SAMD3: variants seen among roughly 807,000 people sequenced by gnomAD.
SAMD3 encodes sterile alpha motif domain containing 3, also known as sterile alpha motif domain-containing protein 3.
In SAMD3, 63 loss-of-function variants were observed where a neutral mutation model predicts 58.5. The observed-to-expected ratio is 1.08, with a 90% CI of 0.88 to 1.33. The LOEUF (loss-of-function observed/expected upper bound fraction) is 1.33. Among genes scored for constraint, SAMD3 ranks in the 40% most tolerant of loss-of-function variants. The pLI is 0.00. For missense variants in SAMD3, 604 were observed against 608.4 expected, an observed-to-expected ratio of 0.99 and a Z score of 0.08; for synonymous variants, 220 against 210.3, an observed-to-expected ratio of 1.05 and a Z score of -0.40.
chr6:130,348,314 T>G (rs1777526230), intron 1 of SAMD3, among the ~76,000 whole-genome samples: 1 of 152,184 alleles, frequency 6.6e-6, no homozygotes, highest in Non-Finnish European at 1.5e-5. Flanking sequence ...CCCATCAGTG[T>G]GCTGTATTCA....
At chr6:130,302,227 T>C (rs945987922) in intron 2 of SAMD3, among the ~76,000 whole-genome samples, 1 of 151,918 alleles carries the variant, frequency 6.6e-6, no homozygotes, top group Non-Finnish European at 1.5e-5. Context: ...CCAGAATCTA[T>C]ATGGAACTTA....
rs371975238 is a variant in SAMD3, at chr6:130,257,975, A to G, written c.-187-35162T>C. On this transcript the variant is annotated intron_variant, in intron 2 of 13. Transcript: ENST00000368134. ...GACATCTGTTATTGCTTGTAGCAAC[A>G]TATGTTTCTGTTTGTTCATGTTCAT... Among the ~76,000 whole-genome samples the G allele has an allele frequency of 1.6e-4, 24 of 152,216 alleles. 1 individual carries two copies. The East Asian group carries it at 4.2e-3, about 27-fold the overall frequency.
chr6:130,295,874 A>G (rs901065937), intron 2 of SAMD3, among the ~76,000 whole-genome samples: 3 of 152,210 alleles, frequency 2.0e-5, no homozygotes, highest in Non-Finnish European at 4.4e-5. Flanking sequence ...ACATAATAGT[A>G]AAAATGGCAA....
chr6:130,287,137 C>T, intron 2 of SAMD3, among the ~76,000 whole-genome samples: 1 of 152,132 alleles, frequency 6.6e-6, no homozygotes, highest in East Asian at 1.9e-4. Context: ...TCTAAATGAG[C>T]ATATATGGTA....
intron 11 of SAMD3, 73 bp from the exon 12 acceptor site, chr6:130,144,877 G>A (rs1788475740): frequency 1.5e-6 from 2 of 1,313,220 alleles, no homozygotes; most frequent in African/African-American, 3.0e-5. Flanking sequence ...ACTTAATCAT[G>A]GTATTACAAT....
intron 1 of SAMD3, among the ~76,000 whole-genome samples, chr6:130,360,355 A>T (rs1224709563): frequency 2.6e-5 from 4 of 152,200 alleles, no homozygotes; most frequent in African/African-American, 9.6e-5. Flanking sequence ...AGTGTCGGCC[A>T]GGTTGAGAAA....
intron 5 of SAMD3, among the ~76,000 whole-genome samples, chr6:130,187,600 T>A (rs1343405474): frequency 6.6e-6 from 1 of 152,208 alleles, no homozygotes; most frequent in Non-Finnish European, 1.5e-5. Context: ...TACATTCTAA[T>A]TTGGAAGCAG....
At chr6:130,343,544 G>T (rs1176385003) in intron 1 of SAMD3, among the ~76,000 whole-genome samples, 1 of 152,160 alleles carries the variant, frequency 6.6e-6, no homozygotes, top group Non-Finnish European at 1.5e-5. Context: ...ACTGTGGGGA[G>T]AGCTCAGTCC....
chr6:130,274,369 C>T (rs1774695741), intron 2 of SAMD3, among the ~76,000 whole-genome samples: 1 of 152,146 alleles, frequency 6.6e-6, no homozygotes, highest in African/African-American at 2.4e-5. Context: ...ACAGGGAATG[C>T]AACATTCTCA....
chr6:130,245,035 A>C (rs1562478178), intron 2 of SAMD3, among the ~76,000 whole-genome samples: 2 of 152,352 alleles, frequency 1.3e-5, no homozygotes, highest in South Asian at 2.1e-4. Flanking sequence ...GAATTCTTAT[A>C]CATGGTGAAC....
At chr6:130,177,606 T>C (rs1791847040) in intron 7 of SAMD3, among the ~76,000 whole-genome samples, 1 of 152,210 alleles carries the variant, frequency 6.6e-6, no homozygotes, top group Non-Finnish European at 1.5e-5. Context: ...TGTAACAGCT[T>C]GGTGTTGGAT....
Position 130,291,905 on chromosome 6 carries a change from T to C in SAMD3, c.-188+21073A>G, listed in dbSNP as rs1415352956. The stretch of plus-strand genomic sequence containing the variant: ...TCTGTGGGTTCTTAATGTGCCTTTA[T>C]ATATTATGTCTAAGTGTTCAGATAA... On this transcript the variant is annotated intron_variant, in intron 2 of 13. Coordinates refer to the SAMD3 transcript ENST00000368134. 3.3e-5 allele frequency among the ~76,000 whole-genome samples: 5 copies of C among 152,314 alleles called. No homozygotes were observed. In the East Asian group the frequency reaches 9.6e-4, roughly 29 times the overall value.
chr6:130,164,237 A>G (rs554092674), intron 8 of SAMD3, among the ~76,000 whole-genome samples: 8 of 152,360 alleles, frequency 5.3e-5, no homozygotes, highest in Non-Finnish European at 7.3e-5. Flanking sequence ...TGTCCTTAAC[A>G]TTAAGGTCAC....
chr6:130,149,854 C>T (rs911630174), intron 9 of SAMD3, among the ~76,000 whole-genome samples: 1 of 152,192 alleles, frequency 6.6e-6, no homozygotes, highest in Non-Finnish European at 1.5e-5. Context: ...GACGTATCCC[C>T]TGCTGAACCT....
At chr6:130,286,674 G>T (rs1214746402) in intron 2 of SAMD3, among the ~76,000 whole-genome samples, 2 of 140,412 alleles carry the variant, frequency 1.4e-5, no homozygotes, top group African/African-American at 2.5e-5. Flanking sequence ...CTCCTTCATT[G>T]GCTTCTCCAA....
chr6:130,201,052 C>T (rs904793338), intron 5 of SAMD3, among the ~76,000 whole-genome samples: 1 of 152,150 alleles, frequency 6.6e-6, no homozygotes, highest in Admixed American at 6.5e-5. Flanking sequence ...CAGTAACAGG[C>T]CCACCATGTC....
intron 1 of SAMD3, among the ~76,000 whole-genome samples, chr6:130,337,432 TA>T (rs1458223319): frequency 2.0e-5 from 3 of 152,170 alleles, no homozygotes; most frequent in Admixed American, 6.5e-5. Context: ...TACCCAGTCG[TA>T]GGCAGTTCTT....
At chr6:130,210,597 C>CAA (rs768346534) in intron 4 of SAMD3, among the ~76,000 whole-genome samples, 2 of 114,044 alleles carry the variant, frequency 1.8e-5, no homozygotes, top group Non-Finnish European at 3.8e-5. Flanking sequence ...GAAACTCCAT[C>CAA]AAAAAAAAAA....
At chr6:130,297,704 G>T (rs1400823794) in intron 2 of SAMD3, among the ~76,000 whole-genome samples, 2 of 152,118 alleles carry the variant, frequency 1.3e-5, no homozygotes, top group Admixed American at 6.5e-5. Context: ...AGAACTTCTG[G>T]AATAGAAACA....
Sources: gnomAD v4.1 joint callset for allele counts (sites outside exome capture counted in the v4.1 genomes callset) on GRCh38, gnomAD v4.1.1 for gene constraint, MANE v1.5 for transcripts, NCBI Gene and HGNC (gene_info 2026-07-23, HGNC 2026-07-21) for gene names.